GBE1: variants seen among roughly 807,000 people sequenced by gnomAD.
GBE1 encodes the protein 1,4-alpha-glucan-branching enzyme.
GBE1 carries 70 observed loss-of-function variants against 88.8 expected under a neutral mutation model. The ratio of observed to expected loss-of-function variants is 0.79; its 90% CI spans 0.65 to 0.96. GBE1 has a LOEUF of 0.96. Among genes scored for constraint, GBE1 ranks in the 40% least tolerant of loss-of-function variants. GBE1 has a pLI of 0.00. For synonymous variants in GBE1, 284 were observed against 300.1 expected (o/e 0.95, Z 0.56); for missense variants, 872 against 871.0 (o/e 1.00, Z -0.01).
chr3:81,719,592 G>T (rs1420560190), intron 1 of GBE1, among the ~76,000 whole-genome samples: 2 of 152,170 alleles, frequency 1.3e-5, no homozygotes, highest in East Asian at 1.9e-4. Flanking sequence ...TTTATTTGGG[G>T]AGTGTTCCTG....
chr3:81,581,800 A>AT (rs1247585842), intron 10 of GBE1, among the ~76,000 whole-genome samples: 2 of 152,058 alleles, frequency 1.3e-5, no homozygotes, highest in Non-Finnish European at 2.9e-5. Flanking sequence ...TTGTGTCTGC[A>AT]TTTCAATTTC....
chr3:81,635,826 G>A (rs1162604887), intron 7 of GBE1, among the ~76,000 whole-genome samples: 2 of 152,108 alleles, frequency 1.3e-5, no homozygotes, highest in Non-Finnish European at 2.9e-5. Flanking sequence ...ATGTTTTAGG[G>A]CAATGAGCAG....
intron 1 of GBE1, among the ~76,000 whole-genome samples, chr3:81,720,993 T>C (rs535132810): frequency 1.4e-4 from 14 of 98,676 alleles, no homozygotes; most frequent in Admixed American, 3.6e-4. Flanking sequence ...TAGGTGGGAA[T>C]TGAACAATGA....
intron 2 of GBE1, among the ~76,000 whole-genome samples, chr3:81,701,766 TTATC>T (rs1171290913): frequency 1.3e-5 from 2 of 151,934 alleles, no homozygotes. Context: ...TTATTTGTAT[TTATC>T]TATTTATTTT....
chr3:81,538,279 A>C (rs1703101130), intron 12 of GBE1, among the ~76,000 whole-genome samples: 1 of 152,038 alleles, frequency 6.6e-6, no homozygotes, highest in African/African-American at 2.4e-5. Flanking sequence ...AATTCAAAAT[A>C]ATTTACTGCA....
At chr3:81,652,552 A>G (rs1327501065) in intron 3 of GBE1, among the ~76,000 whole-genome samples, 1 of 152,172 alleles carries the variant, frequency 6.6e-6, no homozygotes, top group African/African-American at 2.4e-5. Flanking sequence ...ATTGCAACCA[A>G]CTGTTAAGGA....
intron 14 of GBE1, among the ~76,000 whole-genome samples, chr3:81,500,964 G>A (rs1222280360): frequency 1.3e-5 from 2 of 152,086 alleles, no homozygotes; most frequent in Non-Finnish European, 2.9e-5. Context: ...GAGGGTAGAA[G>A]GCTGGGGGAG....
chr3:81,651,832 C>T (rs1219794521), intron 3 of GBE1, among the ~76,000 whole-genome samples: 1 of 152,162 alleles, frequency 6.6e-6, no homozygotes. Context: ...AAAATACTTG[C>T]AATTTTAAGA....
At chr3:81,598,184 T>C (rs899350812) in intron 7 of GBE1, among the ~76,000 whole-genome samples, 2 of 151,918 alleles carry the variant, frequency 1.3e-5, no homozygotes, top group South Asian at 2.1e-4. Flanking sequence ...CCTACTAATA[T>C]TGTATATTAA....
At chr3:81,589,754 A>G (rs1280071771) in intron 9 of GBE1, among the ~76,000 whole-genome samples, 2 of 152,032 alleles carry the variant, frequency 1.3e-5, no homozygotes, top group Non-Finnish European at 2.9e-5. Context: ...TGTCATTTGT[A>G]ATATCTCTGC....
At chr3:81,597,735 A>C (rs1703979541) in intron 7 of GBE1, among the ~76,000 whole-genome samples, 2 of 151,664 alleles carry the variant, frequency 1.3e-5, no homozygotes, top group South Asian at 4.1e-4. Context: ...ATAAACCACT[A>C]AAAAAATGTT....
At chr3:81,560,425 G>A (rs1216091417) in intron 12 of GBE1, among the ~76,000 whole-genome samples, 2 of 151,824 alleles carry the variant, frequency 1.3e-5, no homozygotes. Flanking sequence ...GGGAAGGAAA[G>A]ACTATAAAAA....
At chr3:81,515,553 A>C (rs993390278) in intron 14 of GBE1, among the ~76,000 whole-genome samples, 1 of 151,430 alleles carries the variant, frequency 6.6e-6, no homozygotes, top group Admixed American at 6.6e-5. Flanking sequence ...ATAACCCTAC[A>C]ATAGCCTCTA....
At chr3:81,666,305 A>G (rs1017972565) in intron 3 of GBE1, among the ~76,000 whole-genome samples, 3 of 152,238 alleles carry the variant, frequency 2.0e-5, no homozygotes, top group Non-Finnish European at 1.5e-5. Context: ...GGGCCAGGCC[A>G]TTAATGATTA....
At chr3:81,592,250 C>T (rs1304602264) in intron 8 of GBE1, among the ~76,000 whole-genome samples, 2 of 152,096 alleles carry the variant, frequency 1.3e-5, no homozygotes, top group African/African-American at 2.4e-5. Context: ...AGCTTATGCA[C>T]CTTAAAACAA....
At chr3:81,615,414 T>C (rs927717770) in intron 7 of GBE1, among the ~76,000 whole-genome samples, 45 of 152,216 alleles carry the variant, frequency 3.0e-4, no homozygotes, top group Admixed American at 1.6e-3. Flanking sequence ...TGTTCTTTCA[T>C]AGTTGCATCC....
chr3:81,530,311 A>G (rs1207549970), intron 14 of GBE1, among the ~76,000 whole-genome samples: 1 of 148,606 alleles, frequency 6.7e-6, no homozygotes, highest in Non-Finnish European at 1.5e-5. Context: ...TATCTCTGTC[A>G]CTCCAGGATT....
intron 12 of GBE1, among the ~76,000 whole-genome samples, chr3:81,559,373 T>A (rs936788717): frequency 1.3e-5 from 2 of 151,904 alleles, no homozygotes; most frequent in African/African-American, 4.8e-5. Context: ...AATGACAATA[T>A]GAATAATGCA....
chr3:81,759,508 GT>G (rs1275245502), intron 1 of GBE1, among the ~76,000 whole-genome samples: 1 of 152,224 alleles, frequency 6.6e-6, no homozygotes, highest in African/African-American at 2.4e-5. Flanking sequence ...AAGGAAAAAT[GT>G]TTTATTCTTC....
Sources: gnomAD v4.1 joint callset for allele counts (sites outside exome capture counted in the v4.1 genomes callset) on GRCh38, gnomAD v4.1.1 for gene constraint, MANE v1.5 for transcripts, NCBI Gene and HGNC (gene_info 2026-07-23, HGNC 2026-07-21) for gene names.